ADAM12: variants seen among roughly 807,000 people sequenced by gnomAD.
ADAM12 encodes the protein disintegrin and metalloproteinase domain-containing protein 12.
ADAM12 carries 70 observed loss-of-function variants against 106.4 expected under a neutral mutation model. That is an observed-to-expected ratio of 0.66 (90% CI 0.54 to 0.80). The LOEUF is 0.80. ADAM12 is among the 30% of genes least tolerant of loss of function. ADAM12 has a pLI of 0.00. For missense variants in ADAM12, 1,010 were observed against 1,171.9 expected, an observed-to-expected ratio of 0.86 and a Z score of 2.02; for synonymous variants, 420 against 433.5, an observed-to-expected ratio of 0.97 and a Z score of 0.39.
At chr10:126,329,825 A>T (rs772490033) in intron 2 of ADAM12, among the ~76,000 whole-genome samples, 2 of 152,222 alleles carry the variant, frequency 1.3e-5, no homozygotes, top group Non-Finnish European at 2.9e-5. Flanking sequence ...ATATTTCCAT[A>T]GATTTTTATC....
chr10:126,298,298 T>C (rs958151214), intron 2 of ADAM12, among the ~76,000 whole-genome samples: 3 of 152,024 alleles, frequency 2.0e-5, no homozygotes, highest in African/African-American at 7.3e-5. Flanking sequence ...ATTTAAAATT[T>C]AAAATGCCAC....
chr10:126,169,586 T>TA (rs982603984), intron 3 of ADAM12, among the ~76,000 whole-genome samples: 2 of 151,912 alleles, frequency 1.3e-5, no homozygotes, highest in East Asian at 1.9e-4. Flanking sequence ...CTTTCTACTC[T>TA]AAAAAAAATA....
intron 2 of ADAM12, among the ~76,000 whole-genome samples, chr10:126,280,921 G>A (rs1959545712): frequency 6.6e-6 from 1 of 152,038 alleles, no homozygotes; most frequent in African/African-American, 2.4e-5. Flanking sequence ...AGTGTTACTC[G>A]ACTTTGAAAA....
chr10:126,335,126 C>A (rs1159334448), intron 1 of ADAM12, among the ~76,000 whole-genome samples: 1 of 152,214 alleles, frequency 6.6e-6, no homozygotes, highest in Non-Finnish European at 1.5e-5. Flanking sequence ...CCAAACCACA[C>A]TATTGGTGCA....
chr10:126,319,841 T>TTA (rs763958157), intron 2 of ADAM12, among the ~76,000 whole-genome samples: 20 of 152,320 alleles, frequency 1.3e-4, no homozygotes, highest in Admixed American at 3.3e-4. Context: ...TATAAAAAGC[T>TTA]TATTTTTAAA....
At chr10:126,251,599 A>ATGAATGGACG (rs1205679737) in intron 3 of ADAM12, among the ~76,000 whole-genome samples, 1,130 of 149,492 alleles carry the variant, frequency 7.6e-3, no homozygotes, top group African/African-American at 0.016. Context: ...CAGGATGGAT[A>ATGAATGGACG]GGATGGATGG....
chr10:126,083,463 C>G (rs186158804), intron 11 of ADAM12, among the ~76,000 whole-genome samples: 171 of 152,336 alleles, frequency 1.1e-3, no homozygotes, highest in Admixed American at 2.5e-3. Flanking sequence ...CAGTAGTATC[C>G]ATGGGTTGGG....
intron 3 of ADAM12, among the ~76,000 whole-genome samples, chr10:126,261,519 C>T (rs1452969904): frequency 6.6e-6 from 1 of 152,130 alleles, no homozygotes; most frequent in Non-Finnish European, 1.5e-5. Flanking sequence ...TGTTATAAAT[C>T]AATTCAGACA....
Position 126,015,089 on chromosome 10 carries a change from C to T in ADAM12, c.*2190G>A, listed in dbSNP as rs564228937. On this transcript the variant is annotated 3_prime_UTR_variant, in exon 23 of 23. Coordinates refer to ENST00000448723, the MANE Select transcript of ADAM12 (RefSeq NM_001288973.2). Reference sequence around the variant, plus strand: ...TCTTATTCAGAAATAAAATGCATGGCTCTATAATAACACATTAGTACTGTA... The same window carrying T: ...TCTTATTCAGAAATAAAATGCATGGTTCTATAATAACACATTAGTACTGTA... The T allele has an allele frequency of 6.6e-6, 1 of 152,266 alleles. No homozygotes were observed. Among genetic ancestry groups the T allele is most frequent in the South Asian group, 2.1e-4 (1 of 4,822 alleles). The allele number at this position is 152,266 out of a possible 1,614,324, so 9.4% of individuals were successfully genotyped here.
chr10:126,217,896 A>G (rs1468891893), intron 3 of ADAM12, among the ~76,000 whole-genome samples: 2 of 149,958 alleles, frequency 1.3e-5, no homozygotes, highest in Non-Finnish European at 3.0e-5. Flanking sequence ...AATTGCTTGA[A>G]CCCGGGAGGT....
intron 3 of ADAM12, among the ~76,000 whole-genome samples, chr10:126,168,726 C>T (rs957906198): frequency 6.6e-6 from 1 of 152,194 alleles, no homozygotes; most frequent in South Asian, 2.1e-4. Context: ...AAACACTGCA[C>T]TGCTCCTTAC....
At chr10:126,175,926 C>T (rs977972958) in intron 3 of ADAM12, among the ~76,000 whole-genome samples, 4 of 152,192 alleles carry the variant, frequency 2.6e-5, no homozygotes, top group Non-Finnish European at 5.9e-5. Context: ...ATCTGCTGTT[C>T]CCCTCTTTTG....
At chr10:126,081,020 G>C (rs1955202397) in intron 11 of ADAM12, among the ~76,000 whole-genome samples, 1 of 152,086 alleles carries the variant, frequency 6.6e-6, no homozygotes, top group African/African-American at 2.4e-5. Context: ...AAGCTCTCTG[G>C]GTATGATTCG....
chr10:126,372,186 G>C (rs1590837686), intron 1 of ADAM12, among the ~76,000 whole-genome samples: 1 of 152,164 alleles, frequency 6.6e-6, no homozygotes, highest in African/African-American at 2.4e-5. Context: ...CATCTACCAT[G>C]AGCAGAAGGG....
At chr10:126,172,943 T>C (rs1957145868) in intron 3 of ADAM12, among the ~76,000 whole-genome samples, 1 of 152,186 alleles carries the variant, frequency 6.6e-6, no homozygotes, top group Non-Finnish European at 1.5e-5. Flanking sequence ...AAGGTTGAGC[T>C]CATGTCCTTT....
At chr10:126,287,901 A>C (rs903674553) in intron 2 of ADAM12, among the ~76,000 whole-genome samples, 6 of 152,018 alleles carry the variant, frequency 3.9e-5, no homozygotes, top group African/African-American at 1.4e-4. Flanking sequence ...AGGACAAAGA[A>C]TTTGTCAGCG....
At chr10:126,301,150 C>T (rs1336021334) in intron 2 of ADAM12, among the ~76,000 whole-genome samples, 1 of 152,104 alleles carries the variant, frequency 6.6e-6, no homozygotes, top group Non-Finnish European at 1.5e-5. Flanking sequence ...CAGTACCCTC[C>T]CTCTCCCCAG....
intron 21 of ADAM12, among the ~76,000 whole-genome samples, chr10:126,021,958 C>T (rs767778704): frequency 1.2e-4 from 19 of 152,176 alleles, no homozygotes; most frequent in Non-Finnish European, 1.8e-4. Flanking sequence ...GTGAGCAAGA[C>T]ATTAGTGTGT....
intron 2 of ADAM12, among the ~76,000 whole-genome samples, chr10:126,325,817 A>G (rs1854281386): frequency 6.6e-6 from 1 of 152,214 alleles, no homozygotes; most frequent in Non-Finnish European, 1.5e-5. Context: ...TTTCTGTAGT[A>G]GTGTTAAGTT....
Sources: allele counts gnomAD v4.1 joint callset (sites outside exome capture counted in the v4.1 genomes callset), GRCh38; gene constraint gnomAD v4.1.1; transcripts MANE v1.5; gene names NCBI Gene and HGNC (gene_info 2026-07-23, HGNC 2026-07-21).